Variants in SGSM2 observed in about 807,000 individuals in gnomAD.
SGSM2 encodes small G protein signaling modulator 2.
Under a neutral mutation model 126.6 loss-of-function variants are expected in SGSM2, and 89 were observed. That is an observed-to-expected ratio of 0.70 (90% CI 0.59 to 0.84). SGSM2 has a LOEUF of 0.84. Ranked by LOEUF, SGSM2 falls within the 40% of genes least tolerant of loss-of-function variation. The pLI is 0.00. For missense variants in SGSM2, 1,404 were observed against 1,416.6 expected (o/e 0.99, Z 0.14); for synonymous variants, 614 against 574.3 (o/e 1.07, Z -0.99).
Position 2,363,149 on chromosome 17 carries a change from C to T in SGSM2, c.672+15C>T, listed in dbSNP as rs1487336935. 6.3e-7 allele frequency: 1 copy of T among 1,582,964 alleles called. No individual in the cohort carries two copies. The highest frequency in any genetic ancestry group is 8.6e-7 in the Non-Finnish European group (1 of 1,167,346). ...CAGCCCTGGGGGTAGGTGCCCCCTC[C>T]CCACCCTTTGGGCTCATCTGGGCTA... On this transcript the variant is annotated intron_variant, in intron 6 of 23. Transcript: ENST00000268989. This position sits in a 1 kb window ranked among gnomAD's most constrained non-coding sequence, Gnocchi z 4.2.
Position 2,375,830 on chromosome 17 carries a change from G to C in SGSM2, c.2439G>C (p.Leu813=). The change falls in exon 18 of 24, where the codon CTG becomes CTC. Residue 813 remains leucine, a synonymous_variant. Coordinates refer to ENST00000268989, the MANE Select transcript of SGSM2 (RefSeq NM_014853.3). ...AGGAGAAGCCTCAGGCCGGAGAACTGGAGGCCGGAGAGGAGCTTGCGGCTG... is the reference window on the plus strand; with the variant it reads ...AGGAGAAGCCTCAGGCCGGAGAACTCGAGGCCGGAGAGGAGCTTGCGGCTG... ...PSQEKPQAGE[L]EAGEELAAVC... is the part of the protein sequence containing the mutation. 6.5e-7 allele frequency: 1 copy of C among 1,544,282 alleles called. No individual in the cohort carries two copies.
chr17:2,358,327 AGT>A (rs1313901625), intron 2 of SGSM2, among the ~76,000 whole-genome samples: 1 of 151,794 alleles, frequency 6.6e-6, no homozygotes, highest in Non-Finnish European at 1.5e-5. Flanking sequence ...GGCAGTTCTG[AGT>A]GTGGTATTCA....
chr17:2,366,077 T>G (rs531525264), intron 11 of SGSM2, among the ~76,000 whole-genome samples: 2 of 152,198 alleles, frequency 1.3e-5, no homozygotes, highest in African/African-American at 4.8e-5. Flanking sequence ...TATTGTCTGC[T>G]GACTCCCCTA....
In SGSM2 at chr17:2,343,640, A is replaced by T; in HGVS notation, c.133+20A>T. 6.2e-7 allele frequency: 1 copy of T among 1,611,812 alleles called. No homozygotes were observed. Reference sequence around the variant, plus strand: ...TATGTGGTGAGTGAGTGACTGAAGGATGATGGGAGGTCGGTCTAGAGCCGA... The same window carrying T: ...TATGTGGTGAGTGAGTGACTGAAGGTTGATGGGAGGTCGGTCTAGAGCCGA... On this transcript the variant is annotated intron_variant, in intron 2 of 23. Transcript: ENST00000268989.
chr17:2,378,969 T>TCAATCCCAGCCTCAGCCC (rs2066302932), intron 22 of SGSM2, 67 bp from the exon 23 acceptor site: 2 of 1,533,892 alleles, frequency 1.3e-6, no homozygotes, highest in Non-Finnish European at 1.8e-6. Flanking sequence ...AGCCTCAGCC[T>TCAATCCCAGCCTCAGCCC]CAATCCCAGC....
At chr17:2,366,460 C>T (rs150717243) in intron 11 of SGSM2, 1 of 152,346 alleles carries the variant, frequency 6.6e-6, no homozygotes, top group East Asian at 1.9e-4. Flanking sequence ...AACAAGTTGT[C>T]TCTGTATTAG....
At chr17:2,375,133 C>T (rs1597391125) in intron 17 of SGSM2, 1 of 202,808 alleles carries the variant, frequency 4.9e-6, no homozygotes, top group African/African-American at 2.3e-5. Context: ...AACACTAAGG[C>T]CATTCTCCCG....
At chr17:2,345,335 G>A (rs143546577) in intron 2 of SGSM2, among the ~76,000 whole-genome samples, 1,598 of 151,964 alleles carry the variant, frequency 0.011, 24 homozygotes, top group African/African-American at 0.036. Context: ...GGTGGCGGGC[G>A]CCTGTAATCC....
intron 17 of SGSM2, 65 bp from the exon 18 acceptor site, chr17:2,375,427 A>G: frequency 6.5e-7 from 1 of 1,533,244 alleles, no homozygotes; most frequent in Non-Finnish European, 8.8e-7. Flanking sequence ...TTCTGGCCCG[A>G]GGAGGCGGTG....
chr17:2,369,384 C>T (rs2065751255), intron 12 of SGSM2, among the ~76,000 whole-genome samples: 2 of 152,160 alleles, frequency 1.3e-5, no homozygotes, highest in African/African-American at 4.8e-5. Flanking sequence ...ACCTTTCACT[C>T]GGAGTCTTAG....
At chr17:2,358,661 G>A (rs1597344836) in intron 2 of SGSM2, among the ~76,000 whole-genome samples, 2 of 152,228 alleles carry the variant, frequency 1.3e-5, no homozygotes, top group African/African-American at 4.8e-5. Context: ...GCAGTGAGCT[G>A]TGGTTGCACC....
rs975588267 is a variant in SGSM2 at position 2,379,619 on chromosome 17, C to T, written c.*99C>T. 2.0e-6 allele frequency: 3 copies of T among 1,513,960 alleles called. No homozygotes were observed. The African/African-American group carries it at 4.1e-5, about 21-fold the overall frequency. 93.8% of individuals were successfully genotyped at this position (1,513,960 alleles called of 1,614,324 possible). A position where few individuals can be genotyped will look rare whatever the true frequency, so the allele number is the denominator to read the frequency against. The stretch of plus-strand genomic sequence containing the variant: ...GACCTCCCCAGCCACCAACCGACCC[C>T]ACCTCTGTTCCTAACAAAGCGGTTG... On this transcript the variant is annotated 3_prime_UTR_variant, in exon 24 of 24. Coordinates refer to ENST00000268989, the MANE Select transcript of SGSM2 (RefSeq NM_014853.3).
chr17:2,372,221 A>G lies in SGSM2; in HGVS notation c.1609A>G (p.Lys537Glu), dbSNP rs2065903717. The G allele has an allele frequency of 6.2e-7, 1 of 1,613,266 alleles. No homozygotes were observed. Among genetic ancestry groups the G allele is most frequent in the Non-Finnish European group, 8.5e-7 (1 of 1,179,746 alleles). ...LPLRLLCESMKRQIVSRAFYG... is the reference protein window; with the variant it reads ...LPLRLLCESMERQIVSRAFYG... ...GCTCAGGCTACTGTGTGAGAGTATG[A>G]AGAGGCAGATCGTGTCCCGGGCCTT... Residue 537 changes from lysine to glutamate, a missense_variant, in exon 14 of 24, where the codon AAG becomes GAG. Physicochemically the swap from Lys to Glu is moderately conservative, Grantham distance 56. Transcript: ENST00000268989. The surrounding 1 kb of genome is among the most constrained non-coding windows in gnomAD (Gnocchi z 6.0).
At position 2,372,889 on chromosome 17, in the gene SGSM2, G is replaced by T; in HGVS notation, c.1789-64G>T. ...CCCAGCCCATTCTCCGTGGGATGGG[G>T]CTCACCCAGCTGGGCCACGGTGACT... On this transcript the variant is annotated intron_variant, in intron 15 of 23. Transcript: ENST00000268989. This position sits in a 1 kb window ranked among gnomAD's most constrained non-coding sequence, Gnocchi z 6.0. The T allele has an allele frequency of 1.3e-6, 2 of 1,533,852 alleles. No homozygotes were observed. The highest frequency in any genetic ancestry group is 1.2e-5 in the South Asian group (1 of 81,330).
In SGSM2 at chr17:2,361,695, C is replaced by T; in HGVS notation, c.192C>T (p.Arg64=). ...GACGCCGTGCCGCTGGCTTCCTGCGCAGTGACAAGATGGCAGCCCTGTTCA... is the reference window on the plus strand; with the variant it reads ...GACGCCGTGCCGCTGGCTTCCTGCGTAGTGACAAGATGGCAGCCCTGTTCA... ...QLRRRAAGFL[R]SDKMAALFTK... is the part of the protein sequence containing the mutation. Residue 64 remains arginine, a synonymous_variant, in exon 3 of 24, where the codon CGC becomes CGT. Transcript: ENST00000268989. 2.5e-6 allele frequency: 4 copies of T among 1,614,026 alleles called. No homozygotes were observed. Among genetic ancestry groups the T allele is most frequent in the Non-Finnish European group, 3.4e-6 (4 of 1,180,016 alleles).
chr17:2,371,357 T>C lies in SGSM2; in HGVS notation c.1519T>C (p.Cys507Arg). ...LCSQGSSCLS[C>R]SSSSSPHATP... Reference sequence around the variant, plus strand: ...CAGTCAGGGCTCCTCCTGCCTCTCCTGCTCCTCCAGCAGCTCCCCACATGC... The same window carrying C: ...CAGTCAGGGCTCCTCCTGCCTCTCCCGCTCCTCCAGCAGCTCCCCACATGC... The change falls in exon 13 of 24, where the codon TGC (cysteine) becomes CGC (arginine). Residue 507 changes from cysteine to arginine, a missense_variant. Coordinates refer to ENST00000268989, the MANE Select transcript of SGSM2 (RefSeq NM_014853.3). 1 of 1,612,172 alleles carries C rather than the reference T, an allele frequency of 6.2e-7. No homozygotes were observed. Among genetic ancestry groups the C allele is most frequent in the Non-Finnish European group, 8.5e-7 (1 of 1,179,616 alleles).
chr17:2,376,566 G>A lies in SGSM2; in HGVS notation c.2610-167G>A, dbSNP rs549639415. On this transcript the variant is annotated intron_variant, in intron 19 of 23. Coordinates refer to ENST00000268989, the MANE Select transcript of SGSM2 (RefSeq NM_014853.3). ...AGTCGGAGTGCCTTGGGGGGGACCC[G>A]TGGGTTGTTCCCCGTTGTCTCCCTG... 18 of 792,370 alleles carry A rather than the reference G, an allele frequency of 2.3e-5. No individual in the cohort carries two copies. In the East Asian group the frequency reaches 4.2e-4, roughly 19 times the overall value. The allele number at this position is 792,370 out of a possible 1,614,324, so 49.1% of individuals were successfully genotyped here.
intron 2 of SGSM2, among the ~76,000 whole-genome samples, chr17:2,350,732 G>A (rs796398065): frequency 3.3e-4 from 51 of 152,348 alleles, no homozygotes; most frequent in African/African-American, 1.2e-3. Flanking sequence ...CCCTAGGAAC[G>A]AGAGGAAGGC....
At chr17:2,349,316 C>T (rs2064746285) in intron 2 of SGSM2, among the ~76,000 whole-genome samples, 1 of 151,958 alleles carries the variant, frequency 6.6e-6, no homozygotes. Flanking sequence ...ATGGAGGTTT[C>T]AGTGAGCGAG....
Sources: gnomAD v4.1 joint callset for allele counts (sites outside exome capture counted in the v4.1 genomes callset) on GRCh38, gnomAD v4.1.1 for gene constraint, Gnocchi (gnomAD v3.1) non-coding constraint, MANE v1.5 for transcripts, NCBI Gene and HGNC (gene_info 2026-07-23, HGNC 2026-07-21) for gene names.